Variants in MYO5B observed in about 807,000 individuals in gnomAD.
MYO5B encodes myosin VB.
Under a neutral mutation model 229.3 loss-of-function variants are expected in MYO5B, and 143 were observed. The ratio of observed to expected loss-of-function variants is 0.62; its 90% CI spans 0.54 to 0.72. The LOEUF is 0.72. MYO5B is among the 30% of genes least tolerant of loss of function. The pLI, the probability that MYO5B is intolerant of heterozygous loss-of-function variation, is 0.00. For synonymous variants in MYO5B, 918 were observed against 885.2 expected (o/e 1.04, Z -0.66); for missense variants, 2,321 against 2,331.0 (o/e 1.00, Z 0.09).
At chr18:49,933,248 C>T (rs1301415874) in intron 16 of MYO5B, among the ~76,000 whole-genome samples, 1 of 152,200 alleles carries the variant, frequency 6.6e-6, no homozygotes, top group South Asian at 2.1e-4. Flanking sequence ...CTCCACAAAG[C>T]GTTCCCAGGT....
At position 49,962,371 on chromosome 18, in the gene MYO5B, C is replaced by G. The variant is rs1487861727; in HGVS notation, c.1440G>C (p.Lys480Asn). ...VFKLEQEEYM[K>N]EQIPWTLIDF... ...CAATCAGGGTCCAAGGGATCTGTTC[C>G]TTCATGTATTCTTCTTGCTCCAGTT... Residue 480 changes from lysine (K) to asparagine (N), a missense_variant, in exon 12 of 40, where the codon AAG becomes AAC. Around this residue, in one of 2 missense-constraint regions of MYO5B, gnomAD observed 2,113 missense variants for 2,044.7 expected, o/e 1.03. Transcript: ENST00000285039. 6.2e-7 allele frequency: 1 copy of G among 1,614,144 alleles called. No individual in the cohort carries two copies. The highest frequency in any genetic ancestry group is 8.5e-7 in the Non-Finnish European group (1 of 1,180,016).
Position 49,878,998 on chromosome 18 carries a change from A to T in MYO5B, c.3223T>A (p.Ser1075Thr), listed in dbSNP as rs1251191391. 6.2e-7 allele frequency: 1 copy of T among 1,614,076 alleles called. No homozygotes were observed. The highest frequency in any genetic ancestry group is 1.7e-5 in the Admixed American group (1 of 60,024). ...TTGTCGTATCTCTGCTCCAACTGTG[A>T]ATATTCCTTCACAAGGTTCTGGTAC... ...SRYQNLVKEY[S>T]QLEQRYDNLR... The change falls in exon 24 of 40, where the codon TCA becomes ACA. Residue 1075 changes from serine (S) to threonine (T), a missense_variant. Transcript: ENST00000285039.
At chr18:50,019,098 G>C (rs1397519021) in intron 4 of MYO5B, among the ~76,000 whole-genome samples, 1 of 152,094 alleles carries the variant, frequency 6.6e-6, no homozygotes, top group Non-Finnish European at 1.5e-5. Flanking sequence ...ATCTCACACA[G>C]CACAGTCACA....
intron 7 of MYO5B, 72 bp from the exon 8 acceptor site, chr18:49,984,897 A>C: frequency 9.0e-7 from 1 of 1,105,630 alleles, no homozygotes; most frequent in Non-Finnish European, 1.4e-6. Context: ...ACCCATGAAA[A>C]TTCTACTCCG....
chr18:49,971,478 C>T (rs2025691560), intron 10 of MYO5B, among the ~76,000 whole-genome samples: 1 of 152,110 alleles, frequency 6.6e-6, no homozygotes, highest in Admixed American at 6.5e-5. Flanking sequence ...TTGTTTTCTC[C>T]CAGATTAAGA....
chr18:49,888,557 C>T (rs905355302), intron 22 of MYO5B, among the ~76,000 whole-genome samples: 3 of 152,094 alleles, frequency 2.0e-5, no homozygotes, highest in South Asian at 2.1e-4. Context: ...GTTGCCAAAA[C>T]GTGTGGTTGC....
At chr18:50,065,436 G>T (rs1464185172) in intron 1 of MYO5B, among the ~76,000 whole-genome samples, 2 of 152,168 alleles carry the variant, frequency 1.3e-5, no homozygotes, top group African/African-American at 4.8e-5. Context: ...TACAATCATG[G>T]CGGAAGGCGA....
rs1555659324 is a variant in MYO5B at position 50,104,167 on chromosome 18, T to TTAAAAAAAAAA, written c.28-48790_28-48789insTTTTTTTTTTA. Among the ~76,000 whole-genome samples the TTAAAAAAAAAA allele has an allele frequency of 8.4e-5, 11 of 131,488 alleles. 1 individual carries two copies. The highest frequency in any genetic ancestry group is 1.4e-4 in the Non-Finnish European group (9 of 64,036). The allele number at this position is 131,488 out of a possible 152,430, so 86.3% of individuals were successfully genotyped here. A position where few individuals can be genotyped will look rare whatever the true frequency, so the allele number is the denominator to read the frequency against. ...GGGCAACAGATGAGAACTTGTCTAT[T>TTAAAAAAAAAA]AAAAAGAAAAAAAAGAAAATTATAC... On this transcript the variant is annotated intron_variant, in intron 1 of 39. Coordinates refer to ENST00000285039, the MANE Select transcript of MYO5B (RefSeq NM_001080467.3).
chr18:49,836,566 C>T (rs1598819990), intron 38 of MYO5B, 145 bp downstream of exon 38: 2 of 910,462 alleles, frequency 2.2e-6, no homozygotes, highest in Non-Finnish European at 3.5e-6. Flanking sequence ...AATATCCCAT[C>T]AGCTGCACTT....
intron 1 of MYO5B, among the ~76,000 whole-genome samples, chr18:50,070,591 G>C (rs2030933199): frequency 6.6e-6 from 1 of 151,970 alleles, no homozygotes; most frequent in Non-Finnish European, 1.5e-5. Context: ...AAATTATCTA[G>C]TCCAAATACC....
chr18:49,947,485 T>G (rs1328453290), intron 14 of MYO5B, among the ~76,000 whole-genome samples: 1 of 152,238 alleles, frequency 6.6e-6, no homozygotes, highest in Non-Finnish European at 1.5e-5. Flanking sequence ...TAAATTTTTA[T>G]TTTTTAATTG....
chr18:50,054,021 C>A (rs892974783), intron 2 of MYO5B, among the ~76,000 whole-genome samples: 1 of 152,186 alleles, frequency 6.6e-6, no homozygotes, highest in Non-Finnish European at 1.5e-5. Context: ...CACCGTAAAG[C>A]CTGCATGAAC....
chr18:49,880,321 A>G lies in MYO5B; in HGVS notation c.3130+50T>C, dbSNP rs2024572835. The G allele has an allele frequency of 2.0e-6, 3 of 1,498,126 alleles. No homozygotes were observed. The South Asian group carries it at 3.4e-5, about 17-fold the overall frequency. The allele number at this position is 1,498,126 out of a possible 1,614,324, so 92.8% of individuals were successfully genotyped here. On this transcript the variant is annotated intron_variant, in intron 23 of 39. Coordinates refer to ENST00000285039, the MANE Select transcript of MYO5B (RefSeq NM_001080467.3). ...TAGGAGTCTTTGGGAGAAGTCAGTG[A>G]GGAAAAGAGATTAAAACCCCAAATA...
At chr18:49,843,602 C>T (rs2024089593) in intron 33 of MYO5B, among the ~76,000 whole-genome samples, 1 of 152,228 alleles carries the variant, frequency 6.6e-6, no homozygotes, top group African/African-American at 2.4e-5. Flanking sequence ...TGGTTAAAAA[C>T]ACAAACAAAC....
At position 49,828,618 on chromosome 18, in the gene MYO5B, T is replaced by C. The variant is rs2023876406; in HGVS notation, c.5395-1995A>G. Among the ~76,000 whole-genome samples the C allele has an allele frequency of 1.3e-5, 2 of 152,182 alleles. 1 individual carries two copies. The highest frequency in any genetic ancestry group is 1.3e-4 in the Admixed American group (2 of 15,278). ...ATATGGAACACCCCACTTAGCAGCA[T>C]ACACATTCTTCTCAATGCATATGGA... On this transcript the variant is annotated intron_variant, in intron 39 of 39. Coordinates refer to ENST00000285039, the MANE Select transcript of MYO5B (RefSeq NM_001080467.3).
intron 4 of MYO5B, among the ~76,000 whole-genome samples, chr18:50,032,532 G>T (rs935733156): frequency 2.6e-5 from 4 of 152,208 alleles, no homozygotes; most frequent in African/African-American, 9.6e-5. Flanking sequence ...GTGGTAGCAT[G>T]TATCAGTTCT....
At chr18:49,853,128 G>A (rs2024220581) in intron 31 of MYO5B, among the ~76,000 whole-genome samples, 1 of 152,252 alleles carries the variant, frequency 6.6e-6, no homozygotes, top group South Asian at 2.1e-4. Context: ...TTCAGGGACT[G>A]AGTCTTGAGG....
chr18:49,834,477 A>G (rs1183143712), intron 39 of MYO5B, among the ~76,000 whole-genome samples: 1 of 152,182 alleles, frequency 6.6e-6, no homozygotes, highest in African/African-American at 2.4e-5. Flanking sequence ...ACACTGTCAC[A>G]GTTACTATCA....
At chr18:49,894,836 G>C (rs1254992842) in intron 22 of MYO5B, 105 bp downstream of exon 22, 12 of 1,000,054 alleles carry the variant, frequency 1.2e-5, no homozygotes, top group East Asian at 2.5e-5. Flanking sequence ...ATGAGCCCAA[G>C]ACCATGGCAA....
Sources: allele counts gnomAD v4.1 joint callset (sites outside exome capture counted in the v4.1 genomes callset), GRCh38; gene constraint gnomAD v4.1.1; regional missense constraint gnomAD v4.1.1; transcripts MANE v1.5; gene names NCBI Gene and HGNC (gene_info 2026-07-23, HGNC 2026-07-21).